Variants in NEK7 observed in about 807,000 individuals in gnomAD.
NEK7 encodes the protein NIMA related kinase 7, also known as serine/threonine-protein kinase Nek7.
Under a neutral mutation model 44.6 loss-of-function variants are expected in NEK7, and 18 were observed. The observed-to-expected ratio is 0.40, with a 90% CI of 0.28 to 0.60. The LOEUF is 0.60. Among genes scored for constraint, NEK7 ranks in the 20% least tolerant of loss-of-function variants. NEK7 has a pLI of 0.38. For synonymous variants in NEK7, 130 were observed against 121.1 expected, an observed-to-expected ratio of 1.07 and a Z score of -0.48; for missense variants, 256 against 366.5, an observed-to-expected ratio of 0.70 and a Z score of 2.46.
chr1:198,208,919 A>C (rs1390292211), intron 1 of NEK7, among the ~76,000 whole-genome samples: 1 of 152,016 alleles, frequency 6.6e-6, no homozygotes, highest in Non-Finnish European at 1.5e-5. Flanking sequence ...AGTGGAAAAA[A>C]CATGCTTAGA....
intron 9 of NEK7, among the ~76,000 whole-genome samples, chr1:198,309,035 C>T (rs939783916): frequency 4.6e-5 from 7 of 152,086 alleles, no homozygotes; most frequent in African/African-American, 1.4e-4. Flanking sequence ...AGAAAACAGA[C>T]ATTTAATGAA....
chr1:198,301,351 C>A (rs982590644), intron 9 of NEK7, among the ~76,000 whole-genome samples: 1 of 151,828 alleles, frequency 6.6e-6, no homozygotes, highest in East Asian at 1.9e-4. Context: ...GAGATCGAGA[C>A]CATCCTGGCT....
intron 2 of NEK7, among the ~76,000 whole-genome samples, chr1:198,243,622 C>T (rs1422692281): frequency 6.6e-6 from 1 of 152,146 alleles, no homozygotes; most frequent in Non-Finnish European, 1.5e-5. Context: ...TTAAATGCTA[C>T]ATATGCCAGG....
chr1:198,295,087 CA>C (rs113475655), intron 8 of NEK7, among the ~76,000 whole-genome samples: 6,274 of 115,988 alleles, frequency 0.054, 308 homozygotes, highest in African/African-American at 0.15. Context: ...CCTGAAACCT[CA>C]AAAAAAAAAA....
In NEK7 at chr1:198,293,009, C is replaced by T; in HGVS notation, c.654C>T (p.Asp218=). The change falls in exon 8 of 10, where the codon GAC becomes GAT. Residue 218 remains aspartate, a synonymous_variant. Coordinates refer to ENST00000367385, the MANE Select transcript of NEK7 (RefSeq NM_133494.3). ...AAAATGGATACAACTTCAAATCTGA[C>T]ATCTGGTCTCTTGGCTGTCTACTAT... is the stretch of plus-strand genomic sequence containing the variant. The part of the protein sequence containing the change: ...IHENGYNFKS[D]IWSLGCLLYE... 6.3e-7 allele frequency: 1 copy of T among 1,592,170 alleles called. No homozygotes were observed. The highest frequency in any genetic ancestry group is 8.6e-7 in the Non-Finnish European group (1 of 1,160,494).
chr1:198,278,192 T>C, intron 6 of NEK7, 123 bp downstream of exon 6: 2 of 594,112 alleles, frequency 3.4e-6, no homozygotes, highest in South Asian at 4.3e-5. Flanking sequence ...AAATTATAAT[T>C]ATGCTAGAAT....
intron 5 of NEK7, among the ~76,000 whole-genome samples, chr1:198,271,905 T>TTATA (rs34354855): frequency 1.3e-4 from 18 of 141,394 alleles, no homozygotes; most frequent in East Asian, 6.4e-4. Context: ...AATTTATATT[T>TTATA]TATATATATA....
chr1:198,209,066 C>T (rs10128035), intron 1 of NEK7, among the ~76,000 whole-genome samples: 20,101 of 105,394 alleles, frequency 0.19, 2,038 homozygotes, highest in East Asian at 0.67. Flanking sequence ...TATACACACA[C>T]ACATACGCAC....
At chr1:198,250,088 T>C (rs1422905091) in intron 2 of NEK7, among the ~76,000 whole-genome samples, 1 of 149,094 alleles carries the variant, frequency 6.7e-6, no homozygotes, top group South Asian at 2.2e-4. Flanking sequence ...AGTTTCAGCT[T>C]TCTACATATG....
chr1:198,273,403 C>T (rs1489629381), intron 5 of NEK7, among the ~76,000 whole-genome samples: 1 of 151,474 alleles, frequency 6.6e-6, no homozygotes, highest in Non-Finnish European at 1.5e-5. Context: ...CCTCATTATG[C>T]CTTCCAAAGA....
Position 198,242,652 on chromosome 1 carries a change from C to T in NEK7, c.57+10015C>T, listed in dbSNP as rs190349656. ...AGTTTTTTTGTATTTTTAGTACGGA[C>T]GGGGTTTCACTGTGTTAGCCAGGAT... On this transcript the variant is annotated intron_variant, in intron 2 of 9. Coordinates refer to ENST00000367385, the MANE Select transcript of NEK7 (RefSeq NM_133494.3). Among the ~76,000 whole-genome samples, 303 of 151,480 alleles carry T rather than the reference C, an allele frequency of 2.0e-3. 1 individual carries two copies. The highest frequency in any genetic ancestry group is 6.8e-3 in the Middle Eastern group (2 of 294).
chr1:198,243,884 A>G (rs916043653), intron 2 of NEK7, among the ~76,000 whole-genome samples: 10 of 151,720 alleles, frequency 6.6e-5, no homozygotes, highest in Admixed American at 2.0e-4. Flanking sequence ...TTGGTGGCAC[A>G]TATGGTGTTT....
At chr1:198,198,127 G>A in intron 1 of NEK7, 1 of 960,974 alleles carries the variant, frequency 1.0e-6, no homozygotes, top group Non-Finnish European at 1.6e-6. Context: ...AACCTCCAGG[G>A]TACCCTATGG....
At chr1:198,281,859 G>A (rs1364141260) in intron 7 of NEK7, among the ~76,000 whole-genome samples, 2 of 151,934 alleles carry the variant, frequency 1.3e-5, no homozygotes, top group Non-Finnish European at 2.9e-5. Flanking sequence ...AAAACCTGTA[G>A]TCTGTCTTCT....
intron 1 of NEK7, among the ~76,000 whole-genome samples, chr1:198,187,939 G>T (rs1664968856): frequency 1.3e-5 from 2 of 152,194 alleles, no homozygotes; most frequent in Admixed American, 1.3e-4. Flanking sequence ...AGTAGAGGGG[G>T]ATTGATTTCC....
intron 2 of NEK7, among the ~76,000 whole-genome samples, chr1:198,234,837 A>AT (rs1213307048): frequency 4.6e-5 from 7 of 152,042 alleles, no homozygotes; most frequent in African/African-American, 7.2e-5. Flanking sequence ...AGGGAGAAGG[A>AT]TTTTTTTCCC....
chr1:198,311,797 C>T (rs1236192394), intron 9 of NEK7, among the ~76,000 whole-genome samples: 2 of 152,150 alleles, frequency 1.3e-5, no homozygotes, highest in African/African-American at 2.4e-5. Flanking sequence ...CCCACTTGAT[C>T]ATGGTGGATA....
intron 3 of NEK7, among the ~76,000 whole-genome samples, chr1:198,254,182 A>G (rs1258792615): frequency 6.6e-6 from 1 of 152,070 alleles, no homozygotes; most frequent in Non-Finnish European, 1.5e-5. Context: ...AAAAGGTTTT[A>G]TCTGGTATAT....
intron 1 of NEK7, among the ~76,000 whole-genome samples, chr1:198,205,751 G>A (rs1665577788): frequency 6.6e-6 from 1 of 152,012 alleles, no homozygotes; most frequent in Non-Finnish European, 1.5e-5. Context: ...ATGGTACGTG[G>A]AGTCTATTTC....
Sources: gnomAD v4.1 joint callset for allele counts (sites outside exome capture counted in the v4.1 genomes callset) on GRCh38, gnomAD v4.1.1 for gene constraint, MANE v1.5 for transcripts, NCBI Gene and HGNC (gene_info 2026-07-23, HGNC 2026-07-21) for gene names.